LRWD1: variants seen among roughly 807,000 people sequenced by gnomAD.
LRWD1 encodes the protein leucine rich repeats and WD repeat domain containing 1.
In LRWD1, 76 loss-of-function variants were observed where a neutral mutation model predicts 75.6. That is an observed-to-expected ratio of 1.01 (90% CI 0.84 to 1.22). LRWD1 has a LOEUF of 1.22. Among genes scored for constraint, LRWD1 ranks in the 50% most tolerant of loss-of-function variants. The probability of loss-of-function intolerance (pLI) is 0.00; values close to 1 mark genes in which losing one functional copy is unlikely to be tolerated. For synonymous variants in LRWD1, 487 were observed against 377.0 expected (o/e 1.29, Z -3.38); for missense variants, 917 against 862.0 (o/e 1.06, Z -0.80).
rs1798274273 is a variant in LRWD1 at position 102,473,119 on chromosome 7, GGGGGGGTCTTTCA to G, written c.*72_*84del. The G allele has an allele frequency of 6.8e-7, 1 of 1,474,166 alleles. No individual in the cohort carries two copies. Among genetic ancestry groups the G allele is most frequent in the Non-Finnish European group, 9.2e-7 (1 of 1,092,660 alleles). 91.3% of individuals were successfully genotyped at this position (1,474,166 alleles called of 1,614,324 possible). Reference sequence around the variant, plus strand: ...TTCAGCTTTGGGCCGATGGGGGTGGGGGGGGGTCTTTCAGTGAATATTTTTATTAAACTCTACT... The same window carrying G: ...TTCAGCTTTGGGCCGATGGGGGTGGGGTGAATATTTTTATTAAACTCTACT... On this transcript the variant is annotated 3_prime_UTR_variant, in exon 15 of 15. Transcript: ENST00000292616.
chr7:102,472,898 C>CT lies in LRWD1; in HGVS notation c.1804-10dup. The stretch of plus-strand genomic sequence containing the variant: ...GGAGCCCAGCCCAGCCCTCCCCTCT[C>CT]TCCCCACCAGATCCTGAAGTGGCCC... On this transcript the variant is annotated splice_polypyrimidine_tract_variant and intron_variant, in intron 14 of 14. Transcript: ENST00000292616. The CT allele has an allele frequency of 1.2e-6, 2 of 1,612,584 alleles. No homozygotes were observed. Among genetic ancestry groups the CT allele is most frequent in the Admixed American group, 3.3e-5 (2 of 59,998 alleles).
At chr7:102,470,237 A>G (rs1431891380) in intron 11 of LRWD1, 1 of 210,190 alleles carries the variant, frequency 4.8e-6, no homozygotes, top group Non-Finnish European at 9.4e-6. Flanking sequence ...GCCGATGGCT[A>G]GCGGAGGGCA....
intron 3 of LRWD1, 112 bp downstream of exon 3, chr7:102,466,382 C>A: frequency 1.3e-6 from 1 of 774,526 alleles, no homozygotes; most frequent in Non-Finnish European, 2.2e-6. Flanking sequence ...AGGCTCTTTG[C>A]CCCAACAGCC....
chr7:102,468,293 C>G lies in LRWD1; in HGVS notation c.835C>G (p.Leu279Val), dbSNP rs148425285. ...TGTGAAGCTGGAGCCCCTGCACTTC[C>G]TGCAGTGCCACAGCAAGAACAACAG... Reference protein sequence around the residue: ...PAVKLEPLHFLQCHSKNNSPQ... With the variant: ...PAVKLEPLHFVQCHSKNNSPQ... The change falls in exon 7 of 15, where the codon CTG becomes GTG. Residue 279 changes from leucine (L) to valine (V), a missense_variant. Coordinates refer to ENST00000292616, the MANE Select transcript of LRWD1 (RefSeq NM_152892.3). 2.4e-3 allele frequency: 3,902 copies of G among 1,612,104 alleles called. 20 individuals are homozygous for G. Among genetic ancestry groups the G allele is most frequent in the South Asian group, 3.1e-3 (282 of 90,580 alleles).
Position 102,472,811 on chromosome 7 carries a change from C to T in LRWD1, c.1803+7C>T, listed in dbSNP as rs779148283. ...CCTGCAGGCCCCCACACAGGTACTG[C>T]CCGGCTCACCCTGCCCAGGCTTGGG... On this transcript the variant is annotated splice_region_variant and intron_variant, in intron 14 of 14. Transcript: ENST00000292616. 67 of 1,613,050 alleles carry T rather than the reference C, an allele frequency of 4.2e-5. 1 individual carries two copies. In the Admixed American group the frequency reaches 7.8e-4, roughly 19 times the overall value.
In LRWD1 at chr7:102,468,573, G is replaced by A. The variant is rs367847575; in HGVS notation, c.939G>A (p.Val313=). 19 of 1,575,562 alleles carry A rather than the reference G, an allele frequency of 1.2e-5. No individual in the cohort carries two copies. The highest frequency in any genetic ancestry group is 8.6e-7 in the Non-Finnish European group (1 of 1,160,510). Residue 313 remains valine, a synonymous_variant, in exon 8 of 15, where the codon GTG becomes GTA. Transcript: ENST00000292616. ...ACTCAGGGGCCACATCCCAGACCGT[G>A]GCCACGTGCGGCGGGGAGGCTGTGT... ...AWEEGATSQT[V]ATCGGEAVCV...
At chr7:102,467,053 G>A (rs2133264041) in intron 3 of LRWD1, among the ~76,000 whole-genome samples, 1 of 144,720 alleles carries the variant, frequency 6.9e-6, no homozygotes, top group South Asian at 2.2e-4. Context: ...GGGACTATAG[G>A]CACCTGGGTT....
rs143700563 is a variant in LRWD1 at position 102,467,760 on chromosome 7, C to G, written c.615C>G (p.Thr205=). ...AGGAGCTGGTGGCCGCCAGTAGGAC[C>G]CAGGTGCAAAAGGCTAACAGCCCAG... ...ISEELVAASR[T]QVQKANSPEK... The change falls in exon 5 of 15, where the codon ACC becomes ACG. Residue 205 remains threonine (T), a synonymous_variant. Transcript: ENST00000292616. 18 of 1,551,936 alleles carry G rather than the reference C, an allele frequency of 1.2e-5. No homozygotes were observed. The African/African-American group carries it at 1.8e-4, about 15-fold the overall frequency.
chr7:102,469,632 C>A lies in LRWD1; in HGVS notation c.1287C>A (p.Tyr429Ter), dbSNP rs142392925. ...LWDIGVPNQD[Y>*]EFQASQLLTL... ...ACATCGGGGTGCCCAACCAGGACTA[C>A]GAATTCCAGGCCAGGTGATGCTTCG... The change falls in exon 10 of 15, where the codon TAC becomes TAA. Residue 429 changes from tyrosine (Y) to a stop codon, truncating the protein, a stop_gained. Transcript: ENST00000292616. LOFTEE classifies it high-confidence loss of function. 6.2e-7 allele frequency: 1 copy of A among 1,614,194 alleles called. No individual in the cohort carries two copies. The highest frequency in any genetic ancestry group is 1.3e-5 in the African/African-American group (1 of 75,072).
Position 102,472,572 on chromosome 7 carries a change from C to A in LRWD1, c.1653C>A (p.Ser551=). 1 of 1,607,054 alleles carries A rather than the reference C, an allele frequency of 6.2e-7. No individual in the cohort carries two copies. Among genetic ancestry groups the A allele is most frequent in the Non-Finnish European group, 8.5e-7 (1 of 1,177,362 alleles). The change falls in exon 13 of 15, where the codon TCC becomes TCA. Residue 551 remains serine, a synonymous_variant. Coordinates refer to ENST00000292616, the MANE Select transcript of LRWD1 (RefSeq NM_152892.3). Reference sequence around the variant, plus strand: ...TCCTGGCGCGGCTGCAATGGTCGTCCACCGAGTTGGCCTACTTCTCGCTCA... The same window carrying A: ...TCCTGGCGCGGCTGCAATGGTCGTCAACCGAGTTGGCCTACTTCTCGCTCA... ...VVVLARLQWS[S]TELAYFSLSA...
chr7:102,465,423 C>G, intron 1 of LRWD1: 1 of 426,368 alleles, frequency 2.3e-6, no homozygotes, highest in Non-Finnish European at 4.1e-6. Flanking sequence ...CAGACGAGCC[C>G]CCGAAGGATC....
Position 102,468,848 on chromosome 7 carries a change from C to T in LRWD1, c.1021-7C>T, listed in dbSNP as rs765338206. On this transcript the variant is annotated splice_region_variant and splice_polypyrimidine_tract_variant and intron_variant, in intron 8 of 14. Transcript: ENST00000292616. ...CCCAGTGACTGTTTACTCTAACCCC[C>T]GCCCAGGAGTTCTTTTCTGTGGCCT... is the stretch of plus-strand genomic sequence containing the variant. The T allele has an allele frequency of 1.5e-5, 24 of 1,609,196 alleles. No homozygotes were observed. The highest frequency in any genetic ancestry group is 1.7e-4 in the Middle Eastern group (1 of 6,056).
intron 11 of LRWD1, chr7:102,470,118 C>G: frequency 1.9e-6 from 1 of 526,374 alleles, no homozygotes; most frequent in Non-Finnish European, 3.3e-6. Context: ...TCCCCTTCAC[C>G]TGGGGCTTCA....
Position 102,473,118 on chromosome 7 carries a change from G to T in LRWD1, c.*69G>T, listed in dbSNP as rs549304751. The T allele has an allele frequency of 5.7e-5, 75 of 1,313,966 alleles. No individual in the cohort carries two copies. Among genetic ancestry groups the T allele is most frequent in the African/African-American group, 9.2e-5 (4 of 43,352 alleles). The allele number at this position is 1,313,966 out of a possible 1,614,324, so 81.4% of individuals were successfully genotyped here. On this transcript the variant is annotated 3_prime_UTR_variant, in exon 15 of 15. Transcript: ENST00000292616. Reference sequence around the variant, plus strand: ...ATTCAGCTTTGGGCCGATGGGGGTGGGGGGGGGTCTTTCAGTGAATATTTT... The same window carrying T: ...ATTCAGCTTTGGGCCGATGGGGGTGTGGGGGGGTCTTTCAGTGAATATTTT...
At chr7:102,465,491 T>TTG (rs1797936568) in intron 1 of LRWD1, 1 of 12,136 alleles carries the variant, frequency 8.2e-5, no homozygotes, top group African/African-American at 1.4e-4. Flanking sequence ...AGTTGCAGCT[T>TTG]TTTTTTTTTT....
In LRWD1 at chr7:102,465,883, G is replaced by A; in HGVS notation, c.147G>A (p.Leu49=). ...AACTCCTGTGCCGCCTGACGCAGCT[G>A]CAGGAGCTTGACCTGTCTAACAACC... is the stretch of plus-strand genomic sequence containing the variant. The part of the protein sequence containing the change: ...DPKLLCRLTQ[L]QELDLSNNHL... Residue 49 remains leucine, a synonymous_variant, in exon 2 of 15, where the codon CTG becomes CTA. Transcript: ENST00000292616. 1.2e-6 allele frequency: 2 copies of A among 1,613,636 alleles called. No individual in the cohort carries two copies. The highest frequency in any genetic ancestry group is 1.7e-6 in the Non-Finnish European group (2 of 1,180,018).
At chr7:102,468,715 A>C in intron 8 of LRWD1, 61 bp downstream of exon 8, 1 of 1,536,330 alleles carries the variant, frequency 6.5e-7, no homozygotes, top group East Asian at 2.4e-5. Context: ...GAACAGCAGC[A>C]TGGGGATGGA....
intron 11 of LRWD1, chr7:102,472,013 G>A (rs1798207088): frequency 5.3e-6 from 3 of 570,012 alleles, no homozygotes; most frequent in South Asian, 1.9e-5. Flanking sequence ...GGTCACTACT[G>A]TGACTCGGGA....
intron 8 of LRWD1, 50 bp downstream of exon 8, chr7:102,468,704 T>C (rs1281091100): frequency 1.3e-6 from 2 of 1,544,818 alleles, no homozygotes; most frequent in Admixed American, 2.0e-5. Flanking sequence ...GACTGACTCC[T>C]GAACAGCAGC....
Sources: allele counts gnomAD v4.1 joint callset (sites outside exome capture counted in the v4.1 genomes callset), GRCh38; gene constraint gnomAD v4.1.1; transcripts MANE v1.5; gene names NCBI Gene and HGNC (gene_info 2026-07-23, HGNC 2026-07-21).